The following CSMD3 variants were observed in gnomAD, a reference collection of about 807,000 sequenced individuals.
CSMD3 encodes the protein CUB and Sushi multiple domains 3, also known as CUB and sushi domain-containing protein 3.
In CSMD3, 177 loss-of-function variants were observed where a neutral mutation model predicts 435.2. The ratio of observed to expected loss-of-function variants is 0.41; its 90% CI spans 0.36 to 0.46. The LOEUF is 0.46. CSMD3 is among the 20% of genes least tolerant of loss of function. CSMD3 has a pLI of 0.34. For missense variants in CSMD3, 4,265 were observed against 4,504.6 expected (o/e 0.95, Z 1.52); for synonymous variants, 1,656 against 1,520.5 (o/e 1.09, Z -2.07).
intron 22 of CSMD3, among the ~76,000 whole-genome samples, chr8:112,591,973 T>C (rs1164047972): frequency 6.6e-6 from 1 of 152,034 alleles, no homozygotes; most frequent in Non-Finnish European, 1.5e-5. Context: ...TACACTATAA[T>C]AGTCATTGAT....
intron 4 of CSMD3, among the ~76,000 whole-genome samples, chr8:113,150,883 G>A (rs1490356833): frequency 6.6e-6 from 1 of 151,900 alleles, no homozygotes; most frequent in Non-Finnish European, 1.5e-5. Context: ...ATCTGTATTT[G>A]TGACATTAGC....
At chr8:112,802,548 A>T (rs2078984102) in intron 12 of CSMD3, among the ~76,000 whole-genome samples, 1 of 152,090 alleles carries the variant, frequency 6.6e-6, no homozygotes, top group Admixed American at 6.6e-5. Flanking sequence ...ATTTCCTATG[A>T]TGCACATCAC....
chr8:112,293,186 T>C (rs926216379), intron 54 of CSMD3, among the ~76,000 whole-genome samples: 1 of 151,972 alleles, frequency 6.6e-6, no homozygotes, highest in Admixed American at 6.6e-5. Context: ...AGGAGAAGAG[T>C]TAAGGCTGTA....
At chr8:112,912,745 G>A (rs557551405) in intron 10 of CSMD3, among the ~76,000 whole-genome samples, 1 of 151,828 alleles carries the variant, frequency 6.6e-6, no homozygotes, top group African/African-American at 2.4e-5. Flanking sequence ...GCTTCTGCAC[G>A]GCAAAGGAAG....
chr8:113,026,147 C>G (rs566943149), intron 5 of CSMD3, among the ~76,000 whole-genome samples: 1 of 152,228 alleles, frequency 6.6e-6, no homozygotes, highest in Admixed American at 6.5e-5. Context: ...GGACTGTGGG[C>G]CTTTCTTGCA....
intron 4 of CSMD3, among the ~76,000 whole-genome samples, chr8:113,136,278 T>C (rs752482979): frequency 4.0e-4 from 61 of 151,564 alleles, no homozygotes; most frequent in Non-Finnish European, 8.1e-4. Context: ...CCACTAGCCA[T>C]ATGTGCCTAT....
rs1038701410 is a variant in CSMD3, at chr8:112,527,064, T to TA, written c.4565-9840dup. Among the ~76,000 whole-genome samples the TA allele has an allele frequency of 1.1e-3, 170 of 151,240 alleles. 1 individual carries two copies. Among genetic ancestry groups the TA allele is most frequent in the African/African-American group, 3.4e-3 (141 of 41,312 alleles). ...AGTAACAATTAACAGGTGGATTCAA[T>TA]AAAAAAAATAGCAATATGGTAGACA... On this transcript the variant is annotated intron_variant, in intron 27 of 70. Coordinates refer to ENST00000297405, the MANE Select transcript of CSMD3 (RefSeq NM_198123.2).
intron 38 of CSMD3, among the ~76,000 whole-genome samples, chr8:112,376,819 T>G (rs916277310): frequency 1.3e-5 from 2 of 152,138 alleles, no homozygotes; most frequent in African/African-American, 4.8e-5. Flanking sequence ...AGTTTCAGGA[T>G]CTATACTCAG....
At chr8:113,073,116 C>T (rs2089195673) in intron 5 of CSMD3, among the ~76,000 whole-genome samples, 1 of 151,758 alleles carries the variant, frequency 6.6e-6, no homozygotes, top group Non-Finnish European at 1.5e-5. Flanking sequence ...AACCAAAGAA[C>T]ATGCACATTT....
chr8:112,359,585 A>G (rs1219828379), intron 38 of CSMD3, among the ~76,000 whole-genome samples: 1 of 152,158 alleles, frequency 6.6e-6, no homozygotes, highest in Non-Finnish European at 1.5e-5. Context: ...ATCTAATAAC[A>G]CAATGGTTAG....
chr8:112,689,600 G>A (rs930223532), intron 14 of CSMD3, among the ~76,000 whole-genome samples: 2 of 151,882 alleles, frequency 1.3e-5, no homozygotes, highest in Admixed American at 6.6e-5. Flanking sequence ...ATGCTCTCTA[G>A]AAAGTATAAA....
At chr8:112,720,390 C>G (rs983711670) in intron 13 of CSMD3, among the ~76,000 whole-genome samples, 1 of 151,964 alleles carries the variant, frequency 6.6e-6, no homozygotes, top group Non-Finnish European at 1.5e-5. Flanking sequence ...ATGTCACATT[C>G]AAATGTGACA....
chr8:112,479,861 A>G (rs545858509), intron 31 of CSMD3, among the ~76,000 whole-genome samples: 2 of 152,268 alleles, frequency 1.3e-5, no homozygotes, highest in South Asian at 4.1e-4. Flanking sequence ...GAAATGTGGG[A>G]TTGTAGAACC....
rs2092620204 is a variant in CSMD3 at position 113,193,982 on chromosome 8, AAAC to A, written c.515-20069_515-20067del. Reference sequence around the variant, plus strand: ...ACTTCAGTGTACACACTATGTGTCTAAACAATAAAAAGCAACATGAATATTGTA... The same window carrying A: ...ACTTCAGTGTACACACTATGTGTCTAAATAAAAAGCAACATGAATATTGTA... On this transcript the variant is annotated intron_variant, in intron 3 of 70. Transcript: ENST00000297405. Among the ~76,000 whole-genome samples, 7 of 151,522 alleles carry A rather than the reference AAAC, an allele frequency of 4.6e-5. No homozygotes were observed. In the South Asian group the frequency reaches 1.5e-3, roughly 31 times the overall value.
At chr8:112,669,463 T>A (rs1398846858) in intron 16 of CSMD3, among the ~76,000 whole-genome samples, 1 of 152,188 alleles carries the variant, frequency 6.6e-6, no homozygotes, top group East Asian at 1.9e-4. Context: ...GCCTATGTAG[T>A]TAATTATGTA....
chr8:112,878,473 G>A, intron 10 of CSMD3, among the ~76,000 whole-genome samples: 1 of 152,140 alleles, frequency 6.6e-6, no homozygotes, highest in East Asian at 1.9e-4. Flanking sequence ...TGGTGGGAGT[G>A]TAAATTAGTT....
intron 22 of CSMD3, among the ~76,000 whole-genome samples, chr8:112,606,951 C>T (rs1476321820): frequency 1.3e-5 from 1 of 74,256 alleles, no homozygotes; most frequent in Non-Finnish European, 2.6e-5. Context: ...ATAAACAATC[C>T]AACTTTACCC....
chr8:112,386,748 C>G lies in CSMD3; in HGVS notation c.5935-3085G>C, dbSNP rs867334146. Among the ~76,000 whole-genome samples, 3 of 152,098 alleles carry G rather than the reference C, an allele frequency of 2.0e-5. No homozygotes were observed. In the South Asian group the frequency reaches 6.2e-4, roughly 31 times the overall value. ...TCCTGACCTCGTGATCCGCCCGCCT[C>G]GGCCCCCCAAAGTGCTGGGATTACA... is the stretch of plus-strand genomic sequence containing the variant. On this transcript the variant is annotated intron_variant, in intron 36 of 70. Transcript: ENST00000297405.
At chr8:112,370,503 C>A (rs1371642188) in intron 38 of CSMD3, among the ~76,000 whole-genome samples, 1 of 152,064 alleles carries the variant, frequency 6.6e-6, no homozygotes, top group East Asian at 2.0e-4. Flanking sequence ...TACTTTTCCT[C>A]TCTCATTTAA....
Sources: allele counts gnomAD v4.1 joint callset (sites outside exome capture counted in the v4.1 genomes callset), GRCh38; gene constraint gnomAD v4.1.1; transcripts MANE v1.5; gene names NCBI Gene and HGNC (gene_info 2026-07-23, HGNC 2026-07-21).